Variants in GRIP1 observed in about 807,000 individuals in gnomAD.
The protein encoded by GRIP1 is glutamate receptor interacting protein 1.
In GRIP1, 45 loss-of-function variants were observed where a neutral mutation model predicts 129.9. The ratio of observed to expected loss-of-function variants is 0.35; its 90% CI spans 0.27 to 0.44. The LOEUF (loss-of-function observed/expected upper bound fraction) is 0.44, where lower values mean the gene tolerates loss of function less well. Ranked by LOEUF, GRIP1 falls within the 20% of genes least tolerant of loss-of-function variation. The pLI is 1.00. For missense variants in GRIP1, 1,196 were observed against 1,396.8 expected, an observed-to-expected ratio of 0.86 and a Z score of 2.29; for synonymous variants, 530 against 520.8, an observed-to-expected ratio of 1.02 and a Z score of -0.24.
chr12:66,966,417 C>T (rs1337636811), intron 1 of GRIP1, among the ~76,000 whole-genome samples: 3 of 152,084 alleles, frequency 2.0e-5, no homozygotes, highest in Non-Finnish European at 4.4e-5. Context: ...GAGAGTTTCC[C>T]CTATTACTAC....
chr12:66,789,388 T>C (rs1373194592), intron 1 of GRIP1, among the ~76,000 whole-genome samples: 1 of 152,206 alleles, frequency 6.6e-6, no homozygotes, highest in Admixed American at 6.5e-5. Context: ...ATTTAAATTT[T>C]CAGTGCTTTT....
At chr12:66,374,255 T>G (rs1266611793) in intron 22 of GRIP1, among the ~76,000 whole-genome samples, 1 of 152,204 alleles carries the variant, frequency 6.6e-6, no homozygotes, top group Non-Finnish European at 1.5e-5. Context: ...TGATGTGATC[T>G]TGGCTCACTG....
At chr12:66,814,500 C>T (rs2039166756) in intron 1 of GRIP1, among the ~76,000 whole-genome samples, 1 of 150,526 alleles carries the variant, frequency 6.6e-6, no homozygotes, top group South Asian at 2.1e-4. Flanking sequence ...TTCCGATAGT[C>T]TAACATATAT....
At chr12:66,798,045 C>T (rs1004503421) in intron 1 of GRIP1, among the ~76,000 whole-genome samples, 1 of 152,132 alleles carries the variant, frequency 6.6e-6, no homozygotes, top group Non-Finnish European at 1.5e-5. Flanking sequence ...ATGAACATTG[C>T]TCTTCCAAGG....
intron 1 of GRIP1, among the ~76,000 whole-genome samples, chr12:67,037,210 C>T (rs952222390): frequency 4.0e-5 from 6 of 151,870 alleles, no homozygotes; most frequent in South Asian, 2.1e-4. Context: ...CACCTGTGGT[C>T]CCAGCTACTC....
chr12:66,562,891 A>AAGAG (rs750856127), intron 2 of GRIP1, among the ~76,000 whole-genome samples: 1 of 151,818 alleles, frequency 6.6e-6, no homozygotes, highest in Non-Finnish European at 1.5e-5. Flanking sequence ...TCTTATAATA[A>AAGAG]AAGAGAATGT....
intron 1 of GRIP1, among the ~76,000 whole-genome samples, chr12:66,669,177 C>T (rs2033949085): frequency 6.6e-6 from 1 of 152,066 alleles, no homozygotes; most frequent in Admixed American, 6.6e-5. Flanking sequence ...CTTTGGGAGG[C>T]CAAGGTGGGC....
At chr12:66,867,481 G>A (rs924591858) in intron 1 of GRIP1, among the ~76,000 whole-genome samples, 2 of 152,270 alleles carry the variant, frequency 1.3e-5, no homozygotes, top group African/African-American at 4.8e-5. Flanking sequence ...GACAGGCAAA[G>A]TGTAGGCAAG....
intron 1 of GRIP1, among the ~76,000 whole-genome samples, chr12:66,708,154 T>C (rs191414097): frequency 1.5e-4 from 23 of 152,102 alleles, no homozygotes; most frequent in African/African-American, 5.3e-4. Flanking sequence ...CTCTCCAACA[T>C]AACTGGAATG....
intron 7 of GRIP1, among the ~76,000 whole-genome samples, chr12:66,484,881 T>A (rs2059910322): frequency 6.6e-6 from 1 of 152,170 alleles, no homozygotes; most frequent in African/African-American, 2.4e-5. Flanking sequence ...TGGATAGATA[T>A]CCCTATTACT....
chr12:66,500,825 A>G (rs918036914), intron 7 of GRIP1, among the ~76,000 whole-genome samples: 26 of 152,212 alleles, frequency 1.7e-4, no homozygotes, highest in African/African-American at 6.0e-4. Flanking sequence ...GAATGTCTTC[A>G]GGTAGTAAGA....
At chr12:66,811,399 G>A (rs941439476) in intron 1 of GRIP1, among the ~76,000 whole-genome samples, 4 of 152,188 alleles carry the variant, frequency 2.6e-5, no homozygotes, top group Non-Finnish European at 5.9e-5. Flanking sequence ...GGACTAGAAA[G>A]TCTCTTCTAG....
chr12:66,616,846 G>C (rs1381105428), intron 1 of GRIP1, among the ~76,000 whole-genome samples: 1 of 152,034 alleles, frequency 6.6e-6, no homozygotes, highest in African/African-American at 2.4e-5. Context: ...AGTGACTGTG[G>C]CTTAGCCCAG....
intron 1 of GRIP1, among the ~76,000 whole-genome samples, chr12:66,651,848 GA>G (rs981391214): frequency 6.6e-6 from 1 of 151,142 alleles, no homozygotes; most frequent in Non-Finnish European, 1.5e-5. Flanking sequence ...TTTAATTAAG[GA>G]AAAAAATACT....
intron 1 of GRIP1, among the ~76,000 whole-genome samples, chr12:66,751,284 G>C (rs967341866): frequency 6.6e-6 from 1 of 152,204 alleles, no homozygotes. Flanking sequence ...AAAATACTAG[G>C]AAAACTAAGA....
At chr12:66,819,060 A>C (rs867139851) in intron 1 of GRIP1, among the ~76,000 whole-genome samples, 5 of 152,300 alleles carry the variant, frequency 3.3e-5, no homozygotes, top group Middle Eastern at 3.4e-3. Context: ...GGAGGATAAA[A>C]TTTTATTTTA....
intron 15 of GRIP1, among the ~76,000 whole-genome samples, chr12:66,409,276 C>T (rs2057303904): frequency 6.6e-6 from 1 of 152,108 alleles, no homozygotes. Context: ...TGGTGGTGAC[C>T]AAGGGGTGCT....
chr12:66,859,542 G>C (rs1006587057), intron 1 of GRIP1, among the ~76,000 whole-genome samples: 2 of 151,974 alleles, frequency 1.3e-5, no homozygotes. Context: ...TTCTCAGACT[G>C]AGCAACAATC....
At chr12:66,463,360 C>T (rs1027983571) in intron 8 of GRIP1, among the ~76,000 whole-genome samples, 2 of 151,802 alleles carry the variant, frequency 1.3e-5, no homozygotes, top group Non-Finnish European at 2.9e-5. Context: ...TTTTGGAGTG[C>T]TTGTGTGGAA....
Sources: allele counts gnomAD v4.1 joint callset (sites outside exome capture counted in the v4.1 genomes callset), GRCh38; gene constraint gnomAD v4.1.1; transcripts MANE v1.5; gene names NCBI Gene and HGNC (gene_info 2026-07-23, HGNC 2026-07-21).